The following PCLO variants were observed in gnomAD, a reference collection of about 807,000 sequenced individuals.
PCLO encodes piccolo presynaptic cytomatrix protein, also known as protein piccolo.
Under a neutral mutation model 427.5 loss-of-function variants are expected in PCLO, and 82 were observed. The observed-to-expected ratio is 0.19, with a 90% confidence interval of 0.16 to 0.23. The LOEUF is 0.23. Among genes scored for constraint, PCLO ranks in the 10% least tolerant of loss-of-function variants. The probability of loss-of-function intolerance (pLI) is 1.00; values close to 1 mark genes in which losing one functional copy is unlikely to be tolerated. For missense variants in PCLO, 6,239 were observed against 6,115.9 expected, an observed-to-expected ratio of 1.02 and a Z score of -0.67; for synonymous variants, 2,357 against 2,155.4, an observed-to-expected ratio of 1.09 and a Z score of -2.59.
At chr7:82,959,896 T>A (rs1007645156) in intron 4 of PCLO, among the ~76,000 whole-genome samples, 1 of 152,154 alleles carries the variant, frequency 6.6e-6, no homozygotes, top group Non-Finnish European at 1.5e-5. Context: ...CCCTGCCATT[T>A]ATTGAGCTGC....
In PCLO at chr7:82,915,044, T is replaced by C. The variant is rs1562854294; in HGVS notation, c.12942A>G (p.Leu4314=). 2 of 1,613,404 alleles carry C rather than the reference T, an allele frequency of 1.2e-6. No homozygotes were observed. Among genetic ancestry groups the C allele is most frequent in the Non-Finnish European group, 1.7e-6 (2 of 1,179,626 alleles). Residue 4314 remains leucine, a synonymous_variant, in exon 7 of 25, where the codon CTA becomes CTG. Coordinates refer to ENST00000333891, the MANE Select transcript of PCLO (RefSeq NM_033026.6). Reference sequence around the variant, plus strand: ...CTTCAGCCTCTTGAGCTTTCAGTCTTAGGGAAGAGCTAGAAGAATCCCTTT... The same window carrying C: ...CTTCAGCCTCTTGAGCTTTCAGTCTCAGGGAAGAGCTAGAAGAATCCCTTT... ...SIKRDSSSSS[L]RLKAQEAEAL... is the part of the protein sequence containing the mutation.
At position 82,838,510 on chromosome 7, in the gene PCLO, T is replaced by A. The variant is rs555990724; in HGVS notation, c.14098-168A>T. Among the ~76,000 whole-genome samples, 27 of 152,078 alleles carry A rather than the reference T, an allele frequency of 1.8e-4. No homozygotes were observed. The South Asian group carries it at 5.4e-3, about 30-fold the overall frequency. On this transcript the variant is annotated intron_variant, in intron 14 of 24. Coordinates refer to ENST00000333891, the MANE Select transcript of PCLO (RefSeq NM_033026.6). ...GTTAATGTCTAATTTAATTGAGAGC[T>A]CCCAGGCATATTTTAATTCCTAGCA...
intron 3 of PCLO, among the ~76,000 whole-genome samples, chr7:83,051,151 G>C (rs1789244728): frequency 6.6e-6 from 1 of 151,924 alleles, no homozygotes. Flanking sequence ...ATAGGATTGG[G>C]AATAAGGCAA....
chr7:83,103,323 T>G (rs1240149980), intron 3 of PCLO, among the ~76,000 whole-genome samples: 1 of 151,934 alleles, frequency 6.6e-6, no homozygotes, highest in Non-Finnish European at 1.5e-5. Flanking sequence ...ACATTATTTT[T>G]CCATGAGCTT....
chr7:83,066,628 T>G (rs1789676621), intron 3 of PCLO, among the ~76,000 whole-genome samples: 1 of 152,194 alleles, frequency 6.6e-6, no homozygotes, highest in East Asian at 1.9e-4. Context: ...CCTTTAATTA[T>G]GTTAGACTTC....
At chr7:83,068,319 T>A (rs1789720256) in intron 3 of PCLO, among the ~76,000 whole-genome samples, 1 of 152,170 alleles carries the variant, frequency 6.6e-6, no homozygotes, top group East Asian at 1.9e-4. Context: ...AAAATGTTTA[T>A]TCTTTAATAA....
At chr7:82,858,843 G>C (rs986322659) in intron 10 of PCLO, among the ~76,000 whole-genome samples, 1 of 152,052 alleles carries the variant, frequency 6.6e-6, no homozygotes, top group Non-Finnish European at 1.5e-5. Flanking sequence ...AATACTATGC[G>C]CCTATGGATC....
chr7:82,807,178 C>A (rs1233582448), intron 20 of PCLO, among the ~76,000 whole-genome samples: 2 of 121,184 alleles, frequency 1.7e-5, no homozygotes, highest in East Asian at 5.0e-4. Context: ...CTCAAGGTAT[C>A]CCCACTCTTC....
intron 6 of PCLO, among the ~76,000 whole-genome samples, chr7:82,936,539 T>G (rs895829950): frequency 6.7e-6 from 1 of 148,952 alleles, no homozygotes; most frequent in African/African-American, 2.5e-5. Flanking sequence ...ATTGGAAAGA[T>G]GTAGGGAAAT....
At chr7:83,016,606 G>A (rs1490922172) in intron 3 of PCLO, among the ~76,000 whole-genome samples, 1 of 152,050 alleles carries the variant, frequency 6.6e-6, no homozygotes, top group African/African-American at 2.4e-5. Context: ...TCAGAAATAG[G>A]TCTACTATAG....
Position 82,953,806 on chromosome 7 carries a change from C to G in PCLO, c.7147G>C (p.Val2383Leu), listed in dbSNP as rs2116442760. 1 of 1,604,870 alleles carries G rather than the reference C, an allele frequency of 6.2e-7. No individual in the cohort carries two copies. ...ASQLPSGSPS[V>L]SSLPAKPRPF... ...CGAGGTTTAGCTGGAAGAGAGGAAA[C>G]AGAAGGACTGCCAGATGGTAACTGA... Residue 2383 changes from valine to leucine, a missense_variant, in exon 5 of 25, where the codon GTT becomes CTT. Physicochemically the swap from Val to Leu is conservative, Grantham distance 32. Transcript: ENST00000333891.
intron 3 of PCLO, among the ~76,000 whole-genome samples, chr7:83,040,496 T>C (rs1347828836): frequency 6.6e-6 from 1 of 152,146 alleles, no homozygotes; most frequent in Non-Finnish European, 1.5e-5. Flanking sequence ...TCTATTCGAA[T>C]TTGAGCTTCT....
intron 8 of PCLO, among the ~76,000 whole-genome samples, chr7:82,904,440 C>T (rs1477361504): frequency 1.3e-5 from 2 of 151,878 alleles, no homozygotes; most frequent in African/African-American, 4.8e-5. Flanking sequence ...AAAATAAAAT[C>T]ATATGCATTG....
At chr7:82,949,384 A>C in intron 6 of PCLO, 92 bp downstream of exon 6, 1 of 907,662 alleles carries the variant, frequency 1.1e-6, no homozygotes, top group Admixed American at 2.3e-5. Context: ...TAGGTTTCTA[A>C]GGTACCAGGA....
chr7:83,048,715 T>G (rs1789160699), intron 3 of PCLO, among the ~76,000 whole-genome samples: 1 of 152,110 alleles, frequency 6.6e-6, no homozygotes, highest in African/African-American at 2.4e-5. Flanking sequence ...ACATGTGAGA[T>G]TCATCCTTTC....
At chr7:83,014,404 C>A (rs1788157861) in intron 3 of PCLO, among the ~76,000 whole-genome samples, 1 of 152,026 alleles carries the variant, frequency 6.6e-6, no homozygotes, top group African/African-American at 2.4e-5. Context: ...AAAATAAATT[C>A]CCCTCTCGAA....
chr7:82,824,619 T>A (rs989493801), intron 18 of PCLO, among the ~76,000 whole-genome samples: 1 of 149,392 alleles, frequency 6.7e-6, no homozygotes, highest in Non-Finnish European at 1.5e-5. Context: ...GCTTAATAAA[T>A]GTTTGCTTGA....
At chr7:83,098,606 T>C (rs1419164836) in intron 3 of PCLO, among the ~76,000 whole-genome samples, 1 of 151,300 alleles carries the variant, frequency 6.6e-6, no homozygotes, top group African/African-American at 2.4e-5. Flanking sequence ...CATTAAATAG[T>C]CCCAAACTAT....
intron 6 of PCLO, among the ~76,000 whole-genome samples, chr7:82,932,182 A>G (rs1794855222): frequency 6.6e-6 from 1 of 152,156 alleles, no homozygotes; most frequent in Non-Finnish European, 1.5e-5. Flanking sequence ...GGTCTGATTG[A>G]GTACATGGCT....
Sources: gnomAD v4.1 joint callset for allele counts (sites outside exome capture counted in the v4.1 genomes callset) on GRCh38, gnomAD v4.1.1 for gene constraint, MANE v1.5 for transcripts, NCBI Gene and HGNC (gene_info 2026-07-23, HGNC 2026-07-21) for gene names.